Variants in KIRREL3 observed in about 807,000 individuals in gnomAD.
The protein encoded by KIRREL3 is kin of IRRE-like protein 3.
KIRREL3 carries 36 observed loss-of-function variants against 89.7 expected under a neutral mutation model. That is an observed-to-expected ratio of 0.40 (90% confidence interval 0.31 to 0.53). The LOEUF (loss-of-function observed/expected upper bound fraction) is 0.53. Ranked by LOEUF, KIRREL3 falls within the 20% of genes least tolerant of loss-of-function variation. The pLI is 0.49. For missense variants in KIRREL3, 864 were observed against 1,056.6 expected (o/e 0.82, Z 2.53); for synonymous variants, 445 against 441.4 (o/e 1.01, Z -0.10).
Position 126,424,535 on chromosome 11 carries a change from CCCT to C in KIRREL3, c.*42_*44del, listed in dbSNP as rs1219219063. ...CTCGTCCCTGGACAACCAGAACGTG[CCCT>C]GACCTCTTCCCTGGCCCGTCCCCAC... On this transcript the variant is annotated 3_prime_UTR_variant, in exon 17 of 17. Transcript: ENST00000525144. 3 of 1,589,776 alleles carry C rather than the reference CCCT, an allele frequency of 1.9e-6. No individual in the cohort carries two copies. The highest frequency in any genetic ancestry group is 2.6e-6 in the Non-Finnish European group (3 of 1,163,144).
chr11:126,646,694 C>T (rs555544892), intron 1 of KIRREL3, among the ~76,000 whole-genome samples: 7 of 152,080 alleles, frequency 4.6e-5, no homozygotes, highest in South Asian at 4.2e-4. Context: ...AGACTGGTCT[C>T]GAACTCCTGA....
chr11:126,871,713 A>C (rs568158101), intron 1 of KIRREL3, among the ~76,000 whole-genome samples: 1 of 152,290 alleles, frequency 6.6e-6, no homozygotes, highest in African/African-American at 2.4e-5. Context: ...TCTTCATGAT[A>C]ATGGGCAGAA....
intron 1 of KIRREL3, among the ~76,000 whole-genome samples, chr11:126,727,453 C>T (rs1006301091): frequency 3.9e-5 from 6 of 152,240 alleles, no homozygotes; most frequent in African/African-American, 1.4e-4. Context: ...GGTCCCCTGG[C>T]TTAGGCTGAA....
rs1009535655 is a variant in KIRREL3, at chr11:126,709,407, C to T, written c.56-146495G>A. On this transcript the variant is annotated intron_variant, in intron 1 of 16. Transcript: ENST00000525144. This position sits in a 1 kb window ranked among gnomAD's most constrained non-coding sequence, Gnocchi z 4.0. ...AGCCAAACAGGAAAGACAGAGTTCACACCTAACTGGCTAAAGTACAGGCAA... is the reference window on the plus strand; with the variant it reads ...AGCCAAACAGGAAAGACAGAGTTCATACCTAACTGGCTAAAGTACAGGCAA... 1.3e-5 allele frequency among the ~76,000 whole-genome samples: 2 copies of T among 152,198 alleles called. No homozygotes were observed. The highest frequency in any genetic ancestry group is 2.9e-5 in the Non-Finnish European group (2 of 68,026).
chr11:126,644,246 AG>A (rs1365822879), intron 1 of KIRREL3, among the ~76,000 whole-genome samples: 1 of 152,240 alleles, frequency 6.6e-6, no homozygotes, highest in Non-Finnish European at 1.5e-5. Flanking sequence ...CGAAAAGCTG[AG>A]TGTTACTAAT....
rs1940780207 is a variant in KIRREL3, at chr11:126,569,681, T to C, written c.56-6769A>G. ...AAGTTATTTCTGCATGAATGGCAAT[T>C]CTTACTGCAGGAGTCCCCAGGAGGA... On this transcript the variant is annotated intron_variant, in intron 1 of 16. Transcript: ENST00000525144. The surrounding 1 kb of genome is among the most constrained non-coding windows in gnomAD (Gnocchi z 6.5). Among the ~76,000 whole-genome samples, 1 of 152,144 alleles carries C rather than the reference T, an allele frequency of 6.6e-6. No homozygotes were observed. The highest frequency in any genetic ancestry group is 6.5e-5 in the Admixed American group (1 of 15,276).
chr11:126,626,837 G>A (rs1012708750), intron 1 of KIRREL3, among the ~76,000 whole-genome samples: 1 of 152,014 alleles, frequency 6.6e-6, no homozygotes, highest in Non-Finnish European at 1.5e-5. Flanking sequence ...TTCACCCCAT[G>A]TTTCTACTAA....
intron 1 of KIRREL3, among the ~76,000 whole-genome samples, chr11:126,586,877 G>T (rs1941887740): frequency 6.6e-6 from 1 of 152,130 alleles, no homozygotes; most frequent in African/African-American, 2.4e-5. Flanking sequence ...CTTGTAGAGA[G>T]ATCTTGAGGC....
At chr11:126,435,862 G>A (rs779057510) in intron 12 of KIRREL3, among the ~76,000 whole-genome samples, 15 of 152,080 alleles carry the variant, frequency 9.9e-5, no homozygotes, top group Non-Finnish European at 2.1e-4. Flanking sequence ...GTCAGAGATC[G>A]TCAGGACTGA....
At chr11:126,529,875 T>C (rs887216584) in intron 2 of KIRREL3, among the ~76,000 whole-genome samples, 1 of 133,468 alleles carries the variant, frequency 7.5e-6, no homozygotes, top group Non-Finnish European at 1.6e-5. Flanking sequence ...TTTTTTTTTT[T>C]CAAATGAATC....
Position 126,904,808 on chromosome 11 carries a change from G to A in KIRREL3, c.55+95647C>T, listed in dbSNP as rs1443170936. On this transcript the variant is annotated intron_variant, in intron 1 of 16. Coordinates refer to ENST00000525144, the MANE Select transcript of KIRREL3 (RefSeq NM_032531.4). This position sits in a 1 kb window ranked among gnomAD's most constrained non-coding sequence, Gnocchi z 4.4. ...TGTAGCATTCTCTTTGCGTCTGTAA[G>A]CATCAATGCTATTCCTCAGAGACAT... Among the ~76,000 whole-genome samples the A allele has an allele frequency of 6.6e-6, 1 of 152,146 alleles. No individual in the cohort carries two copies. The highest frequency in any genetic ancestry group is 2.4e-5 in the African/African-American group (1 of 41,428).
rs1164675576 is a variant in KIRREL3, at chr11:126,632,394, T to TAC, written c.56-69484_56-69483dup. On this transcript the variant is annotated intron_variant, in intron 1 of 16. Coordinates refer to ENST00000525144, the MANE Select transcript of KIRREL3 (RefSeq NM_032531.4). ...AGAAAACCTCAGGCTTTTTGGTTTA[T>TAC]ACACACACACGAAAGGAAAATGTCC... Among the ~76,000 whole-genome samples the TAC allele has an allele frequency of 2.0e-5, 3 of 152,316 alleles. No homozygotes were observed. In the East Asian group the frequency reaches 5.8e-4, roughly 29 times the overall value.
At position 126,642,092 on chromosome 11, in the gene KIRREL3, G is replaced by GAGC. The variant is rs2134933587; in HGVS notation, c.56-79183_56-79181dup. On this transcript the variant is annotated intron_variant, in intron 1 of 16. Transcript: ENST00000525144. The surrounding 1 kb of genome is among the most constrained non-coding windows in gnomAD (Gnocchi z 4.9). ...GAGCGACTGCTGGGCTGTTCACAGA[G>GAGC]AGCCAGAGGCCCCTTTGGAAAGGGT... is the stretch of plus-strand genomic sequence containing the variant. Among the ~76,000 whole-genome samples, 1 of 152,356 alleles carries GAGC rather than the reference G, an allele frequency of 6.6e-6. No homozygotes were observed.
rs1950349259 is a variant in KIRREL3 at position 126,782,300 on chromosome 11, T to C, written c.55+218155A>G. 6.6e-6 allele frequency among the ~76,000 whole-genome samples: 1 copy of C among 152,248 alleles called. No individual in the cohort carries two copies. The highest frequency in any genetic ancestry group is 2.1e-4 in the South Asian group (1 of 4,832). The stretch of plus-strand genomic sequence containing the variant: ...GATAGGAATAAGGAATAATGCTTTG[T>C]TGTGCTAAGCTGAGATTTTTTGATG... On this transcript the variant is annotated intron_variant, in intron 1 of 16. Coordinates refer to ENST00000525144, the MANE Select transcript of KIRREL3 (RefSeq NM_032531.4). This position sits in a 1 kb window ranked among gnomAD's most constrained non-coding sequence, Gnocchi z 4.1.
chr11:126,426,287 C>T (rs1954938396), intron 15 of KIRREL3, among the ~76,000 whole-genome samples: 2 of 152,170 alleles, frequency 1.3e-5, no homozygotes, highest in Admixed American at 1.3e-4. Context: ...CGACATGGGC[C>T]ACACCTGTTA....
intron 7 of KIRREL3, among the ~76,000 whole-genome samples, chr11:126,451,553 C>T (rs1956162997): frequency 7.9e-6 from 1 of 127,224 alleles, no homozygotes; most frequent in Non-Finnish European, 1.6e-5. Flanking sequence ...TGCATGTGTG[C>T]ATGTGTGTGA....
intron 1 of KIRREL3, among the ~76,000 whole-genome samples, chr11:126,690,933 A>T (rs1264005846): frequency 6.6e-6 from 1 of 152,210 alleles, no homozygotes; most frequent in Middle Eastern, 3.2e-3. Context: ...GTGTGTGGCA[A>T]AGAACTTGCC....
In KIRREL3 at chr11:126,696,180, C is replaced by T. The variant is rs959473105; in HGVS notation, c.56-133268G>A. Among the ~76,000 whole-genome samples the T allele has an allele frequency of 2.0e-4, 30 of 151,838 alleles. No individual in the cohort carries two copies. Among genetic ancestry groups the T allele is most frequent in the African/African-American group, 7.3e-4 (30 of 41,370 alleles). ...GCTGAGGTATGAGAATTGCTTGAACCTGAGTGGCAGAGGTTGCAGTGAGCC... is the reference window on the plus strand; with the variant it reads ...GCTGAGGTATGAGAATTGCTTGAACTTGAGTGGCAGAGGTTGCAGTGAGCC... On this transcript the variant is annotated intron_variant, in intron 1 of 16. Transcript: ENST00000525144. This position sits in a 1 kb window ranked among gnomAD's most constrained non-coding sequence, Gnocchi z 4.4.
At position 126,843,586 on chromosome 11, in the gene KIRREL3, G is replaced by A. The variant is rs967988614; in HGVS notation, c.55+156869C>T. ...GTCCCGACGGCTAGTGAGTGGGACC[G>A]TCAGAGGTGTTTGAACCAGAGCAAC... On this transcript the variant is annotated intron_variant, in intron 1 of 16. Transcript: ENST00000525144. This position sits in a 1 kb window ranked among gnomAD's most constrained non-coding sequence, Gnocchi z 4.6. Among the ~76,000 whole-genome samples the A allele has an allele frequency of 2.0e-5, 3 of 152,160 alleles. No homozygotes were observed. Among genetic ancestry groups the A allele is most frequent in the African/African-American group, 2.4e-5 (1 of 41,430 alleles).
Sources: allele counts gnomAD v4.1 joint callset (sites outside exome capture counted in the v4.1 genomes callset), GRCh38; gene constraint gnomAD v4.1.1; non-coding constraint Gnocchi (gnomAD v3.1); transcripts MANE v1.5; gene names NCBI Gene and HGNC (gene_info 2026-07-23, HGNC 2026-07-21).